The following PPME1 variants were observed in gnomAD, a reference collection of about 807,000 sequenced individuals.
PPME1 encodes protein phosphatase methylesterase 1, also known as testicular secretory protein Li 39.
A neutral mutation model predicts 56.9 loss-of-function variants in PPME1; 17 were observed. That is an observed-to-expected ratio of 0.30 (90% CI 0.20 to 0.45). The LOEUF (loss-of-function observed/expected upper bound fraction) is 0.45, where lower values mean the gene tolerates loss of function less well. Among genes scored for constraint, PPME1 ranks in the 20% least tolerant of loss-of-function variants. The pLI is 1.00. For synonymous variants in PPME1, 122 were observed against 156.2 expected, an observed-to-expected ratio of 0.78 and a Z score of 1.63; for missense variants, 357 against 483.2, an observed-to-expected ratio of 0.74 and a Z score of 2.45.
At chr11:74,235,369 C>A (rs2135666631) in intron 7 of PPME1, among the ~76,000 whole-genome samples, 1 of 152,200 alleles carries the variant, frequency 6.6e-6, no homozygotes, top group East Asian at 1.9e-4. Flanking sequence ...TTTATCTCCT[C>A]CCTGCTTCTC....
chr11:74,211,373 C>T (rs1858470872), intron 3 of PPME1, among the ~76,000 whole-genome samples: 1 of 152,010 alleles, frequency 6.6e-6, no homozygotes, highest in African/African-American at 2.4e-5. Context: ...TCTGGTCTTT[C>T]AGATACCAAA....
intron 1 of PPME1, among the ~76,000 whole-genome samples, chr11:74,182,981 A>T (rs1253449702): frequency 7.1e-6 from 1 of 140,790 alleles, no homozygotes; most frequent in African/African-American, 2.6e-5. Context: ...ACATAGCTAG[A>T]CCTTGTCTCT....
intron 7 of PPME1, among the ~76,000 whole-genome samples, chr11:74,231,343 TCCTCCCACTTTAG>T (rs1859062743): frequency 6.6e-6 from 1 of 152,218 alleles, no homozygotes; most frequent in South Asian, 2.1e-4. Flanking sequence ...CCTCAAGTAA[TCCTCCCACTTTAG>T]CCTCCCAAAG....
chr11:74,239,058 G>C, intron 8 of PPME1, 75 bp from the exon 9 acceptor site: 1 of 1,395,818 alleles, frequency 7.2e-7, no homozygotes, highest in South Asian at 1.4e-5. Context: ...ATAAAAGGCC[G>C]TAAGTATGAG....
intron 5 of PPME1, among the ~76,000 whole-genome samples, chr11:74,228,111 A>G (rs1347951361): frequency 6.6e-6 from 1 of 151,916 alleles, no homozygotes. Flanking sequence ...GTTGATATTT[A>G]ATATAAACAT....
intron 4 of PPME1, chr11:74,222,757 A>G (rs1300115396): frequency 1.3e-5 from 3 of 223,498 alleles, no homozygotes; most frequent in Non-Finnish European, 2.7e-5. Context: ...CCAGAGTGCT[A>G]GCATCACAGG....
chr11:74,177,975 C>A (rs1375958741), intron 1 of PPME1, among the ~76,000 whole-genome samples: 2 of 152,206 alleles, frequency 1.3e-5, no homozygotes, highest in African/African-American at 4.8e-5. Flanking sequence ...CCCAAACTCA[C>A]ATTAGCAACA....
At chr11:74,235,987 T>C (rs1205522959) in intron 8 of PPME1, 21 bp downstream of exon 8, 1 of 1,608,910 alleles carries the variant, frequency 6.2e-7, no homozygotes, top group South Asian at 1.1e-5. Context: ...CTCTTCCCCC[T>C]TGGTCTGGTT....
chr11:74,228,056 C>T (rs1003280720), intron 5 of PPME1, among the ~76,000 whole-genome samples: 5 of 151,124 alleles, frequency 3.3e-5, no homozygotes, highest in African/African-American at 4.9e-5. Flanking sequence ...TGTTACCAAC[C>T]GAAAGTTTCT....
chr11:74,223,885 T>A (rs1252453248), intron 4 of PPME1, among the ~76,000 whole-genome samples: 2 of 149,646 alleles, frequency 1.3e-5, no homozygotes, highest in African/African-American at 4.9e-5. Flanking sequence ...TTCTCCCATT[T>A]TGTAGGTTGC....
chr11:74,184,858 C>T (rs1019407171), intron 1 of PPME1, among the ~76,000 whole-genome samples: 2 of 152,074 alleles, frequency 1.3e-5, no homozygotes, highest in African/African-American at 4.8e-5. Flanking sequence ...GCCTGCCATG[C>T]AGGATGTACT....
intron 3 of PPME1, chr11:74,205,338 T>C (rs1401292953): frequency 6.6e-6 from 1 of 152,250 alleles, no homozygotes; most frequent in African/African-American, 2.4e-5. Context: ...TACCTTTGAC[T>C]CTGGGGTGGG....
chr11:74,226,494 A>G (rs528070119), intron 5 of PPME1, among the ~76,000 whole-genome samples: 1 of 152,370 alleles, frequency 6.6e-6, no homozygotes, highest in East Asian at 1.9e-4. Context: ...AATTATTCCT[A>G]CTGCCTTCAT....
chr11:74,249,307 C>T (rs917687825), intron 11 of PPME1: 6 of 152,198 alleles, frequency 3.9e-5, no homozygotes, highest in Non-Finnish European at 7.3e-5. Flanking sequence ...AAACTACCAC[C>T]TATTCATAGT....
At chr11:74,173,964 TG>T (rs1383525984) in intron 1 of PPME1, among the ~76,000 whole-genome samples, 1 of 152,224 alleles carries the variant, frequency 6.6e-6, no homozygotes, top group Non-Finnish European at 1.5e-5. Context: ...GAGCATATAT[TG>T]GCGAATATTT....
chr11:74,249,413 A>C (rs1859595513), intron 11 of PPME1: 1 of 152,228 alleles, frequency 6.6e-6, no homozygotes, highest in Non-Finnish European at 1.5e-5. Flanking sequence ...CTCATAGAAT[A>C]ATCATGAGGA....
At chr11:74,203,894 C>T in intron 2 of PPME1, 73 bp downstream of exon 2, 7 of 1,098,124 alleles carry the variant, frequency 6.4e-6, no homozygotes, top group Non-Finnish European at 9.1e-6. Flanking sequence ...TGTGTAGTTT[C>T]TAAAATGTTC....
At chr11:74,180,397 C>G (rs1857501173) in intron 1 of PPME1, among the ~76,000 whole-genome samples, 1 of 152,170 alleles carries the variant, frequency 6.6e-6, no homozygotes, top group African/African-American at 2.4e-5. Context: ...AAACCCAAAT[C>G]CTGGCCTATT....
At chr11:74,187,110 C>G (rs1010671660) in intron 1 of PPME1, among the ~76,000 whole-genome samples, 1 of 152,138 alleles carries the variant, frequency 6.6e-6, no homozygotes, top group Non-Finnish European at 1.5e-5. Context: ...ATTTATATAT[C>G]GATCAGTATA....
Sources: allele counts gnomAD v4.1 joint callset (sites outside exome capture counted in the v4.1 genomes callset), GRCh38; gene constraint gnomAD v4.1.1; transcripts MANE v1.5; gene names NCBI Gene and HGNC (gene_info 2026-07-23, HGNC 2026-07-21).